The following GSTA3 variants were observed in gnomAD, a reference collection of about 807,000 sequenced individuals.
The protein encoded by GSTA3 is glutathione S-transferase alpha 3.
In GSTA3, 16 loss-of-function variants were observed where a neutral mutation model predicts 23.1. The observed-to-expected ratio is 0.69, with a 90% CI of 0.47 to 1.05. The LOEUF (loss-of-function observed/expected upper bound fraction) is 1.05. Among genes scored for constraint, GSTA3 ranks in the 50% least tolerant of loss-of-function variants. The pLI is 0.00. For synonymous variants in GSTA3, 122 were observed against 91.0 expected (o/e 1.34, Z -1.94); for missense variants, 319 against 263.6 (o/e 1.21, Z -1.46).
chr6:52,899,820 G>C, intron 5 of GSTA3, 114 bp downstream of exon 5: 1 of 934,814 alleles, frequency 1.1e-6, no homozygotes, highest in Non-Finnish European at 1.7e-6. Flanking sequence ...GAGCTGAATT[G>C]GTGTTCAGGA....
At chr6:52,905,460 A>G (rs577041549) in intron 2 of GSTA3, among the ~76,000 whole-genome samples, 2 of 152,210 alleles carry the variant, frequency 1.3e-5, no homozygotes, top group Admixed American at 6.5e-5. Context: ...GTTATATTTT[A>G]TAGTTTGTTT....
chr6:52,897,674 A>G lies in GSTA3; in HGVS notation c.546+151T>C, dbSNP rs1765503068. ...AACAAGAGTCTTTTCATGCCTCAAA[A>G]TTGGGGTCTGGAAGCTCATTTTGGA... is the stretch of plus-strand genomic sequence containing the variant. On this transcript the variant is annotated intron_variant, in intron 6 of 6. Coordinates refer to ENST00000211122, the MANE Select transcript of GSTA3 (RefSeq NM_000847.5). 35 of 776,644 alleles carry G rather than the reference A, an allele frequency of 4.5e-5. No homozygotes were observed. In the South Asian group the frequency reaches 5.6e-4, roughly 12 times the overall value. The allele number at this position is 776,644 out of a possible 1,614,324, so 48.1% of individuals were successfully genotyped here. A position where few individuals can be genotyped will look rare whatever the true frequency, so the allele number is the denominator to read the frequency against.
chr6:52,900,928 A>G (rs370094427), intron 4 of GSTA3, among the ~76,000 whole-genome samples: 7 of 152,344 alleles, frequency 4.6e-5, no homozygotes, highest in African/African-American at 1.2e-4. Context: ...CCCATGAAAC[A>G]TAATTCTACA....
Position 52,902,380 on chromosome 6 carries a change from T to G in GSTA3, c.238A>C (p.Asn80His). The change falls in exon 4 of 7, where the codon AAC becomes CAC. Residue 80 changes from asparagine (N) to histidine (H), a missense_variant. By Grantham distance (68) the Asn-to-His change is moderately conservative (BLOSUM62 1). Coordinates refer to ENST00000211122, the MANE Select transcript of GSTA3 (RefSeq NM_000847.5). Reference protein sequence around the residue: ...AILNYIASKYNLYGKDIKERA... With the variant: ...AILNYIASKYHLYGKDIKERA... Reference sequence around the variant, plus strand: ...TCCTTTATGTCTTTCCCGTAGAGGTTGTATTTGCTGGCAATGTAGTTGAGA... The same window carrying G: ...TCCTTTATGTCTTTCCCGTAGAGGTGGTATTTGCTGGCAATGTAGTTGAGA... 2 of 1,614,030 alleles carry G rather than the reference T, an allele frequency of 1.2e-6. No homozygotes were observed. Among genetic ancestry groups the G allele is most frequent in the South Asian group, 1.1e-5 (1 of 91,056 alleles).
intron 1 of GSTA3, among the ~76,000 whole-genome samples, chr6:52,907,717 G>A (rs13212114): frequency 1.4e-4 from 21 of 150,800 alleles, no homozygotes; most frequent in South Asian, 2.1e-4. Context: ...GCAAACTATC[G>A]CAAGGACAAA....
At chr6:52,905,624 G>A in intron 2 of GSTA3, 124 bp downstream of exon 2, 1 of 535,700 alleles carries the variant, frequency 1.9e-6, no homozygotes, top group East Asian at 3.5e-5. Flanking sequence ...AAAAATAACT[G>A]GGGATGCTTT....
Position 52,905,785 on chromosome 6 carries a change from T to C in GSTA3, c.50A>G (p.Glu17Gly), listed in dbSNP as rs1468579394. 5 of 1,610,930 alleles carry C rather than the reference T, an allele frequency of 3.1e-6. No homozygotes were observed. Among genetic ancestry groups the C allele is most frequent in the Non-Finnish European group, 8.5e-7 (1 of 1,177,978 alleles). Reference sequence around the variant, plus strand: ...TGCAGCCAAGAGCCACCGGATGGGCTCCATTCTGCCCCGTCCATTGAAGTA... The same window carrying C: ...TGCAGCCAAGAGCCACCGGATGGGCCCCATTCTGCCCCGTCCATTGAAGTA... ...LHYFNGRGRM[E>G]PIRWLLAAAG... Residue 17 changes from glutamate to glycine, a missense_variant, in exon 2 of 7, where the codon GAG becomes GGG. Physicochemically the swap from Glu to Gly is moderately conservative, Grantham distance 98. Transcript: ENST00000211122.
At chr6:52,900,327 A>G (rs923035988) in intron 4 of GSTA3, among the ~76,000 whole-genome samples, 2 of 150,642 alleles carry the variant, frequency 1.3e-5, no homozygotes, top group African/African-American at 4.9e-5. Context: ...AGGTTATACA[A>G]TCTTGGCTCA....
chr6:52,903,997 A>T (rs529938090), intron 2 of GSTA3, among the ~76,000 whole-genome samples: 58 of 151,768 alleles, frequency 3.8e-4, no homozygotes, highest in South Asian at 1.7e-3. Context: ...TTATTTATTT[A>T]TTTTTTTGAG....
At chr6:52,900,498 C>T (rs914356783) in intron 4 of GSTA3, among the ~76,000 whole-genome samples, 4 of 152,020 alleles carry the variant, frequency 2.6e-5, no homozygotes, top group Admixed American at 2.0e-4. Flanking sequence ...CCTGACCTCA[C>T]GTGATCCACC....
At chr6:52,898,675 A>G (rs1349124597) in intron 5 of GSTA3, among the ~76,000 whole-genome samples, 4 of 152,200 alleles carry the variant, frequency 2.6e-5, no homozygotes, top group African/African-American at 9.7e-5. Flanking sequence ...GGGTTGTTAT[A>G]TATAAAGTTT....
chr6:52,896,995 G>A, intron 6 of GSTA3, 67 bp from the exon 7 acceptor site: 1 of 1,597,652 alleles, frequency 6.3e-7, no homozygotes, highest in East Asian at 2.2e-5. Flanking sequence ...TACCACCCAG[G>A]GAATTTGACC....
chr6:52,897,819 G>C lies in GSTA3; in HGVS notation c.546+6C>G. 1.9e-6 allele frequency: 3 copies of C among 1,613,256 alleles called. No homozygotes were observed. The highest frequency in any genetic ancestry group is 2.2e-5 in the South Asian group (2 of 91,036). ...CTGTCTCTCTGAGGGCTGTGAAATG[G>C]GTCACCTTCAGCAGAGGGAAGTTGG... On this transcript the variant is annotated splice_donor_region_variant and intron_variant, in intron 6 of 6. Coordinates refer to ENST00000211122, the MANE Select transcript of GSTA3 (RefSeq NM_000847.5).
chr6:52,897,680 GTCTGGAAGC>G, intron 6 of GSTA3, 136 bp downstream of exon 6: 1 of 825,528 alleles, frequency 1.2e-6, no homozygotes, highest in Admixed American at 2.2e-5. Context: ...CAAAATTGGG[GTCTGGAAGC>G]TCATTTTGGA....
In GSTA3 at chr6:52,899,977, A is replaced by G. The variant is rs1377904170; in HGVS notation, c.371T>C (p.Ile124Thr). The G allele has an allele frequency of 1.2e-6, 2 of 1,614,030 alleles. No individual in the cohort carries two copies. Among genetic ancestry groups the G allele is most frequent in the Non-Finnish European group, 1.7e-6 (2 of 1,179,954 alleles). The change falls in exon 5 of 7, where the codon ATC becomes ACC. Residue 124 changes from isoleucine to threonine, a missense_variant. Physicochemically the swap from Ile to Thr is moderately conservative, Grantham distance 89 (BLOSUM62 -1). Coordinates refer to ENST00000211122, the MANE Select transcript of GSTA3 (RefSeq NM_000847.5). ...PEEKDAKIALIKEKTKSRYFP... is the reference protein window; with the variant it reads ...PEEKDAKIALTKEKTKSRYFP... ...ATAGCGACTTTTTGTTTTCTCTTTG[A>G]TCAAGGCAATCTTGGCATCTTTTTC...
At chr6:52,906,188 A>G (rs555680482) in intron 1 of GSTA3, among the ~76,000 whole-genome samples, 2 of 152,192 alleles carry the variant, frequency 1.3e-5, no homozygotes, top group Non-Finnish European at 2.9e-5. Context: ...TTCTATTGAT[A>G]TATCTAGTTC....
chr6:52,906,707 T>A (rs1316618024), intron 1 of GSTA3, among the ~76,000 whole-genome samples: 6 of 151,554 alleles, frequency 4.0e-5, no homozygotes, highest in African/African-American at 1.5e-4. Context: ...AAACAAGCAA[T>A]GGGGAAAGGA....
intron 2 of GSTA3, 22 bp from the exon 3 acceptor site, chr6:52,903,749 G>A (rs770133617): frequency 6.6e-7 from 1 of 1,504,072 alleles, no homozygotes; most frequent in Non-Finnish European, 9.3e-7. Flanking sequence ...AACAGTAAAT[G>A]GGTTCTTGTT....
At chr6:52,897,317 A>C (rs1765481859) in intron 6 of GSTA3, among the ~76,000 whole-genome samples, 1 of 152,262 alleles carries the variant, frequency 6.6e-6, no homozygotes, top group African/African-American at 2.4e-5. Flanking sequence ...AAAATATTAA[A>C]GTCAAACCAT....
Sources: allele counts gnomAD v4.1 joint callset (sites outside exome capture counted in the v4.1 genomes callset), GRCh38; gene constraint gnomAD v4.1.1; transcripts MANE v1.5; gene names NCBI Gene and HGNC (gene_info 2026-07-23, HGNC 2026-07-21).